The following SYTL2 variants were observed in gnomAD, a reference collection of about 807,000 sequenced individuals.
SYTL2 encodes the protein synaptotagmin-like protein 2.
A neutral mutation model predicts 198.7 loss-of-function variants in SYTL2; 165 were observed. The ratio of observed to expected loss-of-function variants is 0.83; its 90% CI spans 0.73 to 0.94. The LOEUF is 0.94. Among genes scored for constraint, SYTL2 ranks in the 40% least tolerant of loss-of-function variants. The probability of loss-of-function intolerance (pLI) is 0.00; values close to 1 mark genes in which losing one functional copy is unlikely to be tolerated. For synonymous variants in SYTL2, 966 were observed against 917.7 expected (o/e 1.05, Z -0.95); for missense variants, 2,835 against 2,582.8 (o/e 1.10, Z -2.12).
At chr11:85,767,938 A>C (rs1458213672) in intron 1 of SYTL2, among the ~76,000 whole-genome samples, 1 of 152,174 alleles carries the variant, frequency 6.6e-6, no homozygotes, top group Non-Finnish European at 1.5e-5. Flanking sequence ...CACAAAATAC[A>C]AAGAGGCAAG....
At chr11:85,739,985 T>C (rs961666178) in intron 4 of SYTL2, among the ~76,000 whole-genome samples, 1 of 152,194 alleles carries the variant, frequency 6.6e-6, no homozygotes, top group African/African-American at 2.4e-5. Context: ...GTCAACTCTA[T>C]TGGCCTCACA....
chr11:85,854,655 T>C, the SYTL2 span: 4 of 152,230 alleles, frequency 2.6e-5, no homozygotes, highest in Admixed American at 2.0e-4. Context: ...GCCGCCATTG[T>C]GGAAGGAGCG....
intron 13 of SYTL2, among the ~76,000 whole-genome samples, chr11:85,710,116 A>G (rs187646051): frequency 6.6e-6 from 1 of 152,332 alleles, no homozygotes; most frequent in Non-Finnish European, 1.5e-5. Flanking sequence ...ATTTTCTGGC[A>G]TGCTTAATAT....
At chr11:85,743,812 C>G (rs915672261) in intron 4 of SYTL2, among the ~76,000 whole-genome samples, 1 of 152,078 alleles carries the variant, frequency 6.6e-6, no homozygotes, top group Non-Finnish European at 1.5e-5. Flanking sequence ...GAAAGTCTGA[C>G]CCAGATAAAA....
the SYTL2 span, among the ~76,000 whole-genome samples, chr11:85,848,321 T>G: frequency 6.6e-6 from 1 of 151,928 alleles, no homozygotes; most frequent in Non-Finnish European, 1.5e-5. Context: ...TTAAATTTGA[T>G]GAAGTTCAAG....
chr11:85,736,850 CA>C (rs1457671761), intron 5 of SYTL2, among the ~76,000 whole-genome samples: 1 of 152,128 alleles, frequency 6.6e-6, no homozygotes, highest in Admixed American at 6.5e-5. Context: ...AGCTCAGAAT[CA>C]GACACTTAAA....
chr11:85,816,755 A>G, the SYTL2 span, among the ~76,000 whole-genome samples: 1 of 152,082 alleles, frequency 6.6e-6, no homozygotes, highest in African/African-American at 2.4e-5. Context: ...ACAAAAAATA[A>G]AAATAAAAAA....
intron 15 of SYTL2, among the ~76,000 whole-genome samples, chr11:85,705,762 C>T (rs904226215): frequency 2.6e-5 from 4 of 152,120 alleles, no homozygotes; most frequent in Non-Finnish European, 4.4e-5. Context: ...AGTAAGTCTG[C>T]CTTTCTCTGA....
chr11:85,830,928 G>A, the SYTL2 span, among the ~76,000 whole-genome samples: 2 of 152,044 alleles, frequency 1.3e-5, no homozygotes, highest in South Asian at 2.1e-4. Flanking sequence ...GTCAGCTTTG[G>A]GGCAACAAAA....
intron 10 of SYTL2, 190 bp from the exon 11 acceptor site, chr11:85,717,720 T>C (rs1156801123): frequency 6.4e-6 from 4 of 627,820 alleles, no homozygotes; most frequent in Admixed American, 2.1e-5. Context: ...CCTGTTCAAC[T>C]AAAAATCTGG....
At chr11:85,765,294 G>A (rs761008591) in intron 1 of SYTL2, among the ~76,000 whole-genome samples, 32 of 152,100 alleles carry the variant, frequency 2.1e-4, no homozygotes, top group Non-Finnish European at 1.2e-4. Context: ...TGGAGTGCAA[G>A]GGCGTGATCT....
intron 1 of SYTL2, among the ~76,000 whole-genome samples, chr11:85,766,633 C>G (rs2092245732): frequency 6.6e-6 from 1 of 152,200 alleles, no homozygotes; most frequent in East Asian, 1.9e-4. Context: ...GCATCCACCG[C>G]AGGCCCAGAT....
rs771231757 is a variant in SYTL2, at chr11:85,724,224, CACT to C, written c.5131_5133del (p.Ser1711del). The C allele has an allele frequency of 8.9e-6, 14 of 1,578,784 alleles. No homozygotes were observed. Among genetic ancestry groups the C allele is most frequent in the Non-Finnish European group, 1.2e-5 (14 of 1,169,022 alleles). On this transcript the variant is annotated inframe_deletion, in exon 8 of 20. Coordinates refer to ENST00000359152, the MANE Select transcript of SYTL2 (RefSeq NM_206927.4). ...GGAATGGGTTGCCTATTTCTGGACA[CACT>C]AATTGCTTCAGAAGCCTCTCCAAAG...
chr11:85,793,716 C>T (rs2092763936), intron 1 of SYTL2, among the ~76,000 whole-genome samples: 2 of 152,148 alleles, frequency 1.3e-5, no homozygotes, highest in Non-Finnish European at 2.9e-5. Flanking sequence ...AAGAAATAGG[C>T]ATATCCATGG....
Position 85,784,853 on chromosome 11 carries a change from G to C in SYTL2, c.-390+26101C>G, listed in dbSNP as rs773681610. 3.3e-5 allele frequency among the ~76,000 whole-genome samples: 5 copies of C among 152,042 alleles called. No homozygotes were observed. The East Asian group carries it at 5.8e-4, about 18-fold the overall frequency. Reference sequence around the variant, plus strand: ...TCCACAATTCCACAGAGCTGGTAAGGGGTAAAGAAAAAAAAATGTTCCTAT... The same window carrying C: ...TCCACAATTCCACAGAGCTGGTAAGCGGTAAAGAAAAAAAAATGTTCCTAT... On this transcript the variant is annotated intron_variant, in intron 1 of 19. Coordinates refer to ENST00000359152, the MANE Select transcript of SYTL2 (RefSeq NM_206927.4).
chr11:85,737,749 G>A, intron 4 of SYTL2, 93 bp from the exon 5 acceptor site: 1 of 1,000,556 alleles, frequency 1.0e-6, no homozygotes, highest in South Asian at 1.4e-5. Flanking sequence ...AGCAGGCTAG[G>A]AGAGGAAGCT....
At chr11:85,719,161 T>C (rs2087864101) in intron 9 of SYTL2, 1 of 1,368,210 alleles carries the variant, frequency 7.3e-7, no homozygotes, top group South Asian at 1.3e-5. Flanking sequence ...GCCTCTCTAT[T>C]CTTCTGTAAA....
chr11:85,822,897 A>G, the SYTL2 span, among the ~76,000 whole-genome samples: 1 of 152,390 alleles, frequency 6.6e-6, no homozygotes, highest in African/African-American at 2.4e-5. Flanking sequence ...TGACTTCCCA[A>G]GCAAGCACTT....
intron 4 of SYTL2, among the ~76,000 whole-genome samples, chr11:85,739,596 A>G (rs2090629616): frequency 6.6e-6 from 1 of 152,182 alleles, no homozygotes; most frequent in South Asian, 2.1e-4. Flanking sequence ...AAGGGATACT[A>G]TAATGTTTTG....
Sources: gnomAD v4.1 joint callset for allele counts (sites outside exome capture counted in the v4.1 genomes callset) on GRCh38, gnomAD v4.1.1 for gene constraint, MANE v1.5 for transcripts, NCBI Gene and HGNC (gene_info 2026-07-23, HGNC 2026-07-21) for gene names.